The following WWOX variants were observed in gnomAD, a reference collection of about 807,000 sequenced individuals.
WWOX encodes WW domain containing oxidoreductase.
A neutral mutation model predicts 46.2 loss-of-function variants in WWOX; 69 were observed. That is an observed-to-expected ratio of 1.49 (90% CI 1.23 to 1.82). The LOEUF is 1.82. Ranked by LOEUF, WWOX falls within the 40% of genes most tolerant of loss-of-function variation. The probability of loss-of-function intolerance (pLI) is 0.00; values close to 1 mark genes in which losing one functional copy is unlikely to be tolerated. For synonymous variants in WWOX, 359 were observed against 202.6 expected (o/e 1.77, Z -6.56); for missense variants, 919 against 542.6 (o/e 1.69, Z -6.89).
At chr16:78,852,510 C>G (rs1039699613) in intron 8 of WWOX, among the ~76,000 whole-genome samples, 1 of 152,164 alleles carries the variant, frequency 6.6e-6, no homozygotes, top group African/African-American at 2.4e-5. Context: ...TTGTTGGAAG[C>G]AGTTCCTCCA....
intron 8 of WWOX, among the ~76,000 whole-genome samples, chr16:79,076,241 G>C (rs1435872620): frequency 6.6e-6 from 1 of 152,204 alleles, no homozygotes. Flanking sequence ...ACCACACACA[G>C]TGTCGTGTTT....
intron 5 of WWOX, among the ~76,000 whole-genome samples, chr16:78,335,603 A>T (rs1351783516): frequency 6.6e-6 from 1 of 152,188 alleles, no homozygotes; most frequent in South Asian, 2.1e-4. Context: ...CTGGGTATGT[A>T]ACCAAAGGAA....
intron 4 of WWOX, among the ~76,000 whole-genome samples, chr16:78,143,823 C>A (rs1200677577): frequency 7.2e-6 from 1 of 138,502 alleles, no homozygotes; most frequent in Admixed American, 7.9e-5. Context: ...ATTTCGTTTC[C>A]TTACCTTGGT....
chr16:78,831,385 A>G (rs2051819521), intron 8 of WWOX, among the ~76,000 whole-genome samples: 1 of 152,230 alleles, frequency 6.6e-6, no homozygotes, highest in African/African-American at 2.4e-5. Context: ...TTTCACTCAA[A>G]ATATCTGTGT....
At chr16:78,377,580 A>T (rs1033438072) in intron 5 of WWOX, among the ~76,000 whole-genome samples, 3 of 152,218 alleles carry the variant, frequency 2.0e-5, no homozygotes, top group Non-Finnish European at 4.4e-5. Flanking sequence ...TAAATGCACA[A>T]TCATGTTGAC....
At chr16:78,355,406 T>G (rs1597087153) in intron 5 of WWOX, 1 of 259,788 alleles carries the variant, frequency 3.8e-6, no homozygotes, top group African/African-American at 2.3e-5. Flanking sequence ...ATCGAGACCA[T>G]CCTGGCTAAC....
chr16:78,128,636 T>G (rs995653449), intron 4 of WWOX, among the ~76,000 whole-genome samples: 2 of 152,228 alleles, frequency 1.3e-5, no homozygotes, highest in African/African-American at 4.8e-5. Flanking sequence ...TGGCCACATC[T>G]TGATTATAGA....
chr16:78,422,682 TATAC>T lies in WWOX; in HGVS notation c.606-2186_606-2183del, dbSNP rs1296801970. On this transcript the variant is annotated intron_variant, in intron 6 of 8. Coordinates refer to ENST00000566780, the MANE Select transcript of WWOX (RefSeq NM_016373.4). ...TTACATGTATATATATATATATATA[TATAC>T]ACACACACACACACATATATATATA... is the stretch of plus-strand genomic sequence containing the variant. 2.0e-4 allele frequency among the ~76,000 whole-genome samples: 15 copies of T among 74,460 alleles called. 1 individual carries two copies. The highest frequency in any genetic ancestry group is 3.3e-4 in the Non-Finnish European group (14 of 41,986). 48.8% of individuals were successfully genotyped at this position (74,460 alleles called of 152,430 possible).
At chr16:78,796,100 C>G (rs78981676) in intron 8 of WWOX, among the ~76,000 whole-genome samples, 2,663 of 152,290 alleles carry the variant, frequency 0.017, 68 homozygotes, top group East Asian at 0.076. Flanking sequence ...CTCTGAATGT[C>G]TACCTAGCTA....
At chr16:78,590,300 C>G (rs1185546284) in intron 8 of WWOX, among the ~76,000 whole-genome samples, 1 of 152,104 alleles carries the variant, frequency 6.6e-6, no homozygotes, top group Non-Finnish European at 1.5e-5. Context: ...CAAAAAGGCA[C>G]CACGTTGCTG....
chr16:78,358,378 C>T (rs1369835904), intron 5 of WWOX, among the ~76,000 whole-genome samples: 2 of 152,292 alleles, frequency 1.3e-5, no homozygotes, highest in African/African-American at 2.4e-5. Context: ...ATAATTATAG[C>T]CAAGTGCAGT....
intron 8 of WWOX, among the ~76,000 whole-genome samples, chr16:78,751,150 G>C (rs943847930): frequency 6.6e-6 from 1 of 152,012 alleles, no homozygotes; most frequent in African/African-American, 2.4e-5. Context: ...CTTCCAAAAA[G>C]AATTTGACTC....
At chr16:78,152,391 A>C (rs1459073923) in intron 4 of WWOX, among the ~76,000 whole-genome samples, 1 of 152,056 alleles carries the variant, frequency 6.6e-6, no homozygotes, top group African/African-American at 2.4e-5. Context: ...CATATTTGCA[A>C]GTCTATTTGT....
At chr16:78,269,823 A>G (rs1350218657) in intron 5 of WWOX, among the ~76,000 whole-genome samples, 2 of 151,988 alleles carry the variant, frequency 1.3e-5, no homozygotes, top group Non-Finnish European at 2.9e-5. Context: ...TTGAAAACAC[A>G]CACACACAGT....
chr16:78,328,012 A>T (rs1234693796), intron 5 of WWOX, among the ~76,000 whole-genome samples: 2 of 150,256 alleles, frequency 1.3e-5, no homozygotes, highest in Non-Finnish European at 2.9e-5. Flanking sequence ...AGTAGCTTGG[A>T]TTATGGGTTT....
At chr16:79,012,519 G>A (rs777343973) in intron 8 of WWOX, among the ~76,000 whole-genome samples, 1 of 152,176 alleles carries the variant, frequency 6.6e-6, no homozygotes, top group Non-Finnish European at 1.5e-5. Flanking sequence ...ACAGACAAGA[G>A]CCACTGCGCA....
intron 4 of WWOX, among the ~76,000 whole-genome samples, chr16:78,135,659 G>C (rs73564558): frequency 0.02 from 3,044 of 150,534 alleles, 109 homozygotes; most frequent in African/African-American, 0.071. Flanking sequence ...TAGGCTATGA[G>C]AATAATTAGA....
At chr16:78,608,489 C>T (rs1301165583) in intron 8 of WWOX, among the ~76,000 whole-genome samples, 1 of 152,190 alleles carries the variant, frequency 6.6e-6, no homozygotes, top group Non-Finnish European at 1.5e-5. Flanking sequence ...AGTGTTTTCC[C>T]TTTCAGCAGG....
intron 8 of WWOX, chr16:78,825,620 G>A (rs1354531185): frequency 1.9e-6 from 1 of 522,216 alleles, no homozygotes; most frequent in Non-Finnish European, 3.8e-6. Flanking sequence ...GGCTTACTGT[G>A]CGGAGGGCCT....
Sources: allele counts gnomAD v4.1 joint callset (sites outside exome capture counted in the v4.1 genomes callset), GRCh38; gene constraint gnomAD v4.1.1; transcripts MANE v1.5; gene names NCBI Gene and HGNC (gene_info 2026-07-23, HGNC 2026-07-21).